The following SLC49A3 variants were observed in gnomAD, a reference collection of about 807,000 sequenced individuals.
The protein encoded by SLC49A3 is solute carrier family 49 member 3.
SLC49A3 carries 50 observed loss-of-function variants against 43.8 expected under a neutral mutation model. The ratio of observed to expected loss-of-function variants is 1.14; its 90% CI spans 0.91 to 1.45. The LOEUF is 1.45. Among genes scored for constraint, SLC49A3 ranks in the 40% most tolerant of loss-of-function variants. The probability of loss-of-function intolerance (pLI) is 0.00; values close to 1 mark genes in which losing one functional copy is unlikely to be tolerated. For missense variants in SLC49A3, 906 were observed against 774.1 expected, an observed-to-expected ratio of 1.17 and a Z score of -2.02; for synonymous variants, 413 against 352.0, an observed-to-expected ratio of 1.17 and a Z score of -1.94.
intron 8 of SLC49A3, 74 bp downstream of exon 8, chr4:683,136 T>C (rs2109398984): frequency 1.3e-6 from 2 of 1,578,522 alleles, no homozygotes; most frequent in South Asian, 1.1e-5. Context: ...GACCACATGG[T>C]GCAACCCCAG....
In SLC49A3 at chr4:682,329, G is replaced by A. The variant is rs762135699; in HGVS notation, c.1309C>T (p.Leu437=). ...AGLCTFFSCI[L]AVFFHTPYRR... is the part of the protein sequence containing the mutation. ...TATGGGGTGTGGAAGAAGACCGCCA[G>A]GATGCAGCTGAAGAAGGTGCACAGG... Residue 437 remains leucine, a synonymous_variant, in exon 10 of 10, where the codon CTG becomes TTG. Coordinates refer to ENST00000322224, the MANE Select transcript of SLC49A3 (RefSeq NM_032219.4). 3 of 1,349,268 alleles carry A rather than the reference G, an allele frequency of 2.2e-6. No individual in the cohort carries two copies. The highest frequency in any genetic ancestry group is 2.8e-5 in the East Asian group (1 of 35,904). 83.6% of individuals were successfully genotyped at this position (1,349,268 alleles called of 1,614,324 possible). A position where few individuals can be genotyped will look rare whatever the true frequency, so the allele number is the denominator to read the frequency against.
At chr4:680,371 C>G (rs1410753660), downstream of SLC49A3, 12 of 924,814 alleles carry the variant, frequency 1.3e-5, 1 homozygote, top group East Asian at 2.9e-4. Flanking sequence ...AGAAGGCCTT[C>G]AGGCAGAGGC....
downstream of SLC49A3, chr4:678,953 C>T: frequency 6.2e-7 from 1 of 1,613,730 alleles, no homozygotes; most frequent in Non-Finnish European, 8.5e-7. Context: ...GACCTTGGTC[C>T]CCAGGCATTC....
At chr4:678,708 A>T, downstream of SLC49A3, 7 of 1,612,196 alleles carry the variant, frequency 4.3e-6, no homozygotes, top group Non-Finnish European at 5.9e-6. Flanking sequence ...GGGCCCAGAG[A>T]GCCTCATCCA....
chr4:688,884 G>GC, intron 1 of SLC49A3, 109 bp downstream of exon 1: 2 of 1,415,456 alleles, frequency 1.4e-6, no homozygotes, highest in South Asian at 2.9e-5. Flanking sequence ...GGCACCCCCC[G>GC]CCCCCAGCCA....
At chr4:681,016 T>A (rs1739424316), downstream of SLC49A3, 2 of 1,508,190 alleles carry the variant, frequency 1.3e-6, no homozygotes, top group East Asian at 2.4e-5. Context: ...CTGGGGCCCC[T>A]GGAGCACCTG....
At chr4:683,456 G>A in intron 7 of SLC49A3, 89 bp from the exon 8 acceptor site, 2 of 1,524,286 alleles carry the variant, frequency 1.3e-6, no homozygotes, top group Non-Finnish European at 1.8e-6. Context: ...CACGGGGCAG[G>A]AGAACCCATC....
rs1740819895 is a variant in SLC49A3 at position 685,515 on chromosome 4, T to G, written c.585+320A>C. Among the ~76,000 whole-genome samples, 4 of 150,804 alleles carry G rather than the reference T, an allele frequency of 2.7e-5. No individual in the cohort carries two copies. The South Asian group carries it at 8.4e-4, about 32-fold the overall frequency. On this transcript the variant is annotated intron_variant, in intron 4 of 9. Coordinates refer to ENST00000322224, the MANE Select transcript of SLC49A3 (RefSeq NM_032219.4). This position sits in a 1 kb window ranked among gnomAD's most constrained non-coding sequence, Gnocchi z 4.3. Reference sequence around the variant, plus strand: ...GAGTTCGAGACCAGCCTGGCCAACATGGTGAAACCCCAACTCTACCAAAAA... The same window carrying G: ...GAGTTCGAGACCAGCCTGGCCAACAGGGTGAAACCCCAACTCTACCAAAAA...
At chr4:677,953 G>A (rs2109327510), downstream of SLC49A3, 1 of 1,612,498 alleles carries the variant, frequency 6.2e-7, no homozygotes. Context: ...ACTGTCCTGG[G>A]GGACCAAGCA....
At chr4:680,700 AC>A, downstream of SLC49A3, 1 of 1,126,290 alleles carries the variant, frequency 8.9e-7, no homozygotes, top group Non-Finnish European at 1.3e-6. Context: ...CCCACCTCTG[AC>A]CAGCTTCAGG....
At chr4:678,923 G>T (rs1739138967), downstream of SLC49A3, 1 of 1,611,964 alleles carries the variant, frequency 6.2e-7, no homozygotes, top group Admixed American at 1.7e-5. Context: ...GCCCAGCCGG[G>T]TTGGCAGCAC....
chr4:677,907 A>G, downstream of SLC49A3: 11 of 1,563,694 alleles, frequency 7.0e-6, no homozygotes, highest in Non-Finnish European at 9.7e-6. Context: ...GGTAGCCCCA[A>G]GCCTGTCCTT....
rs202091021 is a variant in SLC49A3 at position 683,740 on chromosome 4, C to T, written c.862G>A (p.Ala288Thr). Residue 288 changes from alanine to threonine, a missense_variant, in exon 7 of 10, where the codon GCT becomes ACT. Physicochemically the swap from Ala to Thr is moderately conservative, Grantham distance 58. Coordinates refer to ENST00000322224, the MANE Select transcript of SLC49A3 (RefSeq NM_032219.4). ...AGGATCCCAAACGTGATGAAGAGAGCGCCACAGAGGCCGGAAAACCCCTGG... is the reference window on the plus strand; with the variant it reads ...AGGATCCCAAACGTGATGAAGAGAGTGCCACAGAGGCCGGAAAACCCCTGG... ...HSSGFSGLCG[A>T]LFITFGILGA... The T allele has an allele frequency of 2.1e-5, 33 of 1,576,088 alleles. No individual in the cohort carries two copies. The highest frequency in any genetic ancestry group is 7.0e-5 in the East Asian group (3 of 43,074).
chr4:686,565 G>C lies in SLC49A3; in HGVS notation c.261C>G (p.Ile87Met). Reference sequence around the variant, plus strand: ...GGAGCCCGACGGAGTCCAGGATCCAGATGGCCGCCACGCCAAATGGGGTGG... The same window carrying C: ...GGAGCCCGACGGAGTCCAGGATCCACATGGCCGCCACGCCAAATGGGGTGG... ...VVSTPFGVAA[I>M]WILDSVGLRA... Residue 87 changes from isoleucine (I) to methionine (M), a missense_variant, in exon 2 of 10, where the codon ATC (isoleucine) becomes ATG (methionine). Coordinates refer to ENST00000322224, the MANE Select transcript of SLC49A3 (RefSeq NM_032219.4). The C allele has an allele frequency of 6.2e-7, 1 of 1,613,092 alleles. No homozygotes were observed. Among genetic ancestry groups the C allele is most frequent in the East Asian group, 2.2e-5 (1 of 44,884 alleles).
At chr4:677,871 C>T, downstream of SLC49A3, 1 of 1,293,656 alleles carries the variant, frequency 7.7e-7, no homozygotes, top group Non-Finnish European at 1.1e-6. Context: ...TGCCAAAGCT[C>T]ACTCTGCAGC....
At position 685,226 on chromosome 4, in the gene SLC49A3, C is replaced by T. The variant is rs60098880; in HGVS notation, c.586-370G>A. On this transcript the variant is annotated intron_variant, in intron 4 of 9. Coordinates refer to ENST00000322224, the MANE Select transcript of SLC49A3 (RefSeq NM_032219.4). The surrounding 1 kb of genome is among the most constrained non-coding windows in gnomAD (Gnocchi z 4.3). The stretch of plus-strand genomic sequence containing the variant: ...ACAGACTCACGCTCAGTACATACCC[C>T]CAAGCACAAACACACCACCCGCACC... The T allele has an allele frequency of 4.8e-3, 1,646 of 344,066 alleles. 28 individuals are homozygous for T. Among genetic ancestry groups the T allele is most frequent in the African/African-American group, 0.032 (1,509 of 46,720 alleles). 21.3% of individuals were successfully genotyped at this position (344,066 alleles called of 1,614,324 possible).
downstream of SLC49A3, chr4:680,018 G>T: frequency 6.2e-7 from 1 of 1,609,272 alleles, no homozygotes; most frequent in South Asian, 1.1e-5. Context: ...GAAGCTGAGC[G>T]GTGAGCACCG....
At chr4:678,642 G>A (rs771176130), downstream of SLC49A3, 8 of 1,595,162 alleles carry the variant, frequency 5.0e-6, no homozygotes, top group Admixed American at 1.8e-5. Flanking sequence ...CCTCAGCCAT[G>A]GTGCTCCCAC....
At chr4:679,053 G>A (rs756113431), downstream of SLC49A3, 87 of 1,608,856 alleles carry the variant, frequency 5.4e-5, no homozygotes, top group Non-Finnish European at 6.5e-5. Flanking sequence ...CAGGCAGAAC[G>A]CCTCAGAGCC....
Sources: allele counts gnomAD v4.1 joint callset (sites outside exome capture counted in the v4.1 genomes callset), GRCh38; gene constraint gnomAD v4.1.1; non-coding constraint Gnocchi (gnomAD v3.1); transcripts MANE v1.5; gene names NCBI Gene and HGNC (gene_info 2026-07-23, HGNC 2026-07-21).